Variants in PDIA6 observed in about 807,000 individuals in gnomAD.
The protein encoded by PDIA6 is protein disulfide isomerase family A member 6.
In PDIA6, 29 loss-of-function variants were observed where a neutral mutation model predicts 58.4. The observed-to-expected ratio is 0.50, with a 90% CI of 0.37 to 0.68. PDIA6 has a LOEUF of 0.68. Ranked by LOEUF, PDIA6 falls within the 30% of genes least tolerant of loss-of-function variation. The pLI is 0.00. For missense variants in PDIA6, 480 were observed against 551.0 expected (o/e 0.87, Z 1.29); for synonymous variants, 192 against 202.6 (o/e 0.95, Z 0.44).
rs1208708529 is a variant in PDIA6 at position 10,784,096 on chromosome 2, A to AAAGT, written c.*158_*161dup. The AAAGT allele has an allele frequency of 8.9e-6, 4 of 451,644 alleles. No homozygotes were observed. Among genetic ancestry groups the AAAGT allele is most frequent in the Non-Finnish European group, 1.6e-5 (4 of 256,022 alleles). 28.0% of individuals were successfully genotyped at this position (451,644 alleles called of 1,614,324 possible). The stretch of plus-strand genomic sequence containing the variant: ...TTTTTCAATGTTTTCTTGAGATGCA[A>AAAGT]AAGTTCACTGTTGCAGTGTTTTCAA... On this transcript the variant is annotated 3_prime_UTR_variant, in exon 13 of 13. Coordinates refer to ENST00000272227, the MANE Select transcript of PDIA6 (RefSeq NM_005742.4).
intron 1 of PDIA6, among the ~76,000 whole-genome samples, chr2:10,812,366 C>A (rs974254460): frequency 6.6e-6 from 1 of 152,042 alleles, no homozygotes; most frequent in Non-Finnish European, 1.5e-5. Context: ...ACCCCCTCCC[C>A]GGGATCCGGC....
At chr2:10,787,550 CAAAT>C (rs1472268384) in intron 10 of PDIA6, 111 bp from the exon 11 acceptor site, 15 of 981,126 alleles carry the variant, frequency 1.5e-5, no homozygotes, top group South Asian at 3.5e-5. Flanking sequence ...CGTAGAATGA[CAAAT>C]AAAAACAAAA....
At chr2:10,830,475 A>T (rs1667678947) in intron 1 of PDIA6, among the ~76,000 whole-genome samples, 1 of 152,162 alleles carries the variant, frequency 6.6e-6, no homozygotes, top group Non-Finnish European at 1.5e-5. Flanking sequence ...GTCTGCAGGG[A>T]CATGGGGTGG....
At chr2:10,833,879 C>G, upstream of PDIA6, among the ~76,000 whole-genome samples, 1 of 152,206 alleles carries the variant, frequency 6.6e-6, no homozygotes, top group Non-Finnish European at 1.5e-5. Context: ...AAGTGGCAGC[C>G]AGTGTCTGGT....
At chr2:10,825,694 A>T (rs568645247) in intron 1 of PDIA6, among the ~76,000 whole-genome samples, 1 of 152,362 alleles carries the variant, frequency 6.6e-6, no homozygotes, top group South Asian at 2.1e-4. Flanking sequence ...TCCAAGGAAG[A>T]CATAGAAACG....
Position 10,806,628 on chromosome 2 carries a change from C to CAAA in PDIA6, c.20-3989_20-3988insTTT, listed in dbSNP as rs142782761. Among the ~76,000 whole-genome samples, 46 of 70,364 alleles carry CAAA rather than the reference C, an allele frequency of 6.5e-4. 3 individuals are homozygous for CAAA. Among genetic ancestry groups the CAAA allele is most frequent in the Middle Eastern group, 9.6e-3 (1 of 104 alleles). The allele number at this position is 70,364 out of a possible 152,430, so 46.2% of individuals were successfully genotyped here. On this transcript the variant is annotated intron_variant, in intron 1 of 12. Transcript: ENST00000272227. ...AACCACATCTCCTAAAAAATAAAGA[C>CAAA]AGAAAGAAAGAAAGAAAGAAAAACG...
upstream of PDIA6, among the ~76,000 whole-genome samples, chr2:10,834,737 T>C (rs1211779872): frequency 0.012 from 221 of 17,944 alleles, 7 homozygotes; most frequent in East Asian, 0.04. Context: ...CTTCCCTCCT[T>C]CCTTCCTTCC....
rs1211574924 is a variant in PDIA6, at chr2:10,783,506, C to G, written c.*752G>C. Reference sequence around the variant, plus strand: ...AATGTTTTACATAAATGCGAACTACCTGTTCGCATTGGTAACCTGCTGCTG... The same window carrying G: ...AATGTTTTACATAAATGCGAACTACGTGTTCGCATTGGTAACCTGCTGCTG... On this transcript the variant is annotated 3_prime_UTR_variant, in exon 13 of 13. Transcript: ENST00000272227. 5.0e-6 allele frequency: 2 copies of G among 398,252 alleles called. No homozygotes were observed. Among genetic ancestry groups the G allele is most frequent in the African/African-American group, 2.1e-5 (1 of 48,388 alleles). The allele number at this position is 398,252 out of a possible 1,614,324, so 24.7% of individuals were successfully genotyped here. A position where few individuals can be genotyped will look rare whatever the true frequency, so the allele number is the denominator to read the frequency against.
At chr2:10,810,499 C>T (rs1256564880) in intron 1 of PDIA6, 19 of 1,270,520 alleles carry the variant, frequency 1.5e-5, no homozygotes, top group Non-Finnish European at 1.8e-5. Flanking sequence ...TCTTTACTGA[C>T]AGTATTAAGA....
In PDIA6 at chr2:10,786,799, A is replaced by G. The variant is rs537121406; in HGVS notation, c.1157+482T>C. On this transcript the variant is annotated intron_variant, in intron 11 of 12. Transcript: ENST00000272227. Reference sequence around the variant, plus strand: ...AGCAGAGCAGAGTAGACAGCTCTGTATATTGGTTTTAGAACCTATCATGTT... The same window carrying G: ...AGCAGAGCAGAGTAGACAGCTCTGTGTATTGGTTTTAGAACCTATCATGTT... Among the ~76,000 whole-genome samples, 4 of 152,372 alleles carry G rather than the reference A, an allele frequency of 2.6e-5. No individual in the cohort carries two copies. The South Asian group carries it at 6.2e-4, about 24-fold the overall frequency.
rs1296906721 is a variant in PDIA6, at chr2:10,784,960, C to G, written c.1228G>C (p.Glu410Gln). The G allele has an allele frequency of 4.4e-6, 7 of 1,591,046 alleles. No homozygotes were observed. Among genetic ancestry groups the G allele is most frequent in the African/African-American group, 2.7e-5 (2 of 74,546 alleles). ...GGAFPTIVER[E>Q]PWDGRDGELP... ...TCGCCATCCCTGCCGTCCCAAGGCT[C>G]TCTCTCAACGATGGTAGGGAAAGCC... is the stretch of plus-strand genomic sequence containing the variant. The change falls in exon 12 of 13, where the codon GAG becomes CAG. Residue 410 changes from glutamate (E) to glutamine (Q), a missense_variant. Glu to Gln is a conservative substitution (Grantham distance 29). Transcript: ENST00000272227.
rs1666292355 is a variant in PDIA6 at position 10,796,950 on chromosome 2, G to A, written c.346+131C>T. ...TGACTCGGAGGGTATAGGAATCACT[G>A]TGTACCATTTATAGATAATTCAGGT... On this transcript the variant is annotated intron_variant, in intron 4 of 12. Coordinates refer to ENST00000272227, the MANE Select transcript of PDIA6 (RefSeq NM_005742.4). 1.3e-5 allele frequency: 10 copies of A among 760,158 alleles called. No homozygotes were observed. The South Asian group carries it at 1.5e-4, about 12-fold the overall frequency. 47.1% of individuals were successfully genotyped at this position (760,158 alleles called of 1,614,324 possible).
intron 8 of PDIA6, 58 bp downstream of exon 8, chr2:10,789,691 C>G: frequency 6.6e-7 from 1 of 1,513,354 alleles, no homozygotes; most frequent in Middle Eastern, 1.7e-4. Flanking sequence ...ACTGCTTTAA[C>G]ATTCCTCACC....
At chr2:10,793,553 A>C (rs901884202) in intron 4 of PDIA6, among the ~76,000 whole-genome samples, 1 of 152,136 alleles carries the variant, frequency 6.6e-6, no homozygotes, top group Non-Finnish European at 1.5e-5. Flanking sequence ...TAGTAGAGAC[A>C]GGATTTCACC....
chr2:10,821,696 C>T (rs1204660714), intron 1 of PDIA6, among the ~76,000 whole-genome samples: 3 of 152,022 alleles, frequency 2.0e-5, no homozygotes, highest in African/African-American at 7.3e-5. Context: ...GCAGTTATGG[C>T]TTGCTGCAGC....
chr2:10,820,137 T>A (rs114314363), intron 1 of PDIA6, among the ~76,000 whole-genome samples: 270 of 152,348 alleles, frequency 1.8e-3, no homozygotes, highest in African/African-American at 6.3e-3. Context: ...ATTAAAGACG[T>A]GGACCCACGA....
upstream of PDIA6, among the ~76,000 whole-genome samples, chr2:10,813,401 A>C (rs1667093923): frequency 6.6e-6 from 1 of 152,170 alleles, no homozygotes; most frequent in African/African-American, 2.4e-5. Context: ...CCTCGCTGAC[A>C]GGGTCTCCAC....
At chr2:10,829,948 T>C (rs910495212) in intron 1 of PDIA6, among the ~76,000 whole-genome samples, 2 of 152,202 alleles carry the variant, frequency 1.3e-5, no homozygotes, top group Non-Finnish European at 2.9e-5. Context: ...TCCTCTGTGC[T>C]CCCGCCATGC....
intron 1 of PDIA6, among the ~76,000 whole-genome samples, chr2:10,831,296 C>T (rs115595188): frequency 0.014 from 2,173 of 152,328 alleles, 66 homozygotes; most frequent in African/African-American, 0.051. Context: ...TTGTAGTCTA[C>T]GGCACTCTCT....
Sources: gnomAD v4.1 joint callset for allele counts (sites outside exome capture counted in the v4.1 genomes callset) on GRCh38, gnomAD v4.1.1 for gene constraint, MANE v1.5 for transcripts, NCBI Gene and HGNC (gene_info 2026-07-23, HGNC 2026-07-21) for gene names.